RHCG: variants seen among roughly 807,000 people sequenced by gnomAD.
The protein encoded by RHCG is Rh family C glycoprotein, also known as ammonium transporter Rh type C.
A neutral mutation model predicts 55.3 loss-of-function variants in RHCG; 39 were observed. The ratio of observed to expected loss-of-function variants is 0.70; its 90% CI spans 0.55 to 0.92. The LOEUF is 0.92. Ranked by LOEUF, RHCG falls within the 40% of genes least tolerant of loss-of-function variation. The probability of loss-of-function intolerance (pLI) is 0.00; values close to 1 mark genes in which losing one functional copy is unlikely to be tolerated. For synonymous variants in RHCG, 250 were observed against 246.8 expected (o/e 1.01, Z -0.12); for missense variants, 635 against 627.9 (o/e 1.01, Z -0.12).
chr15:89,475,032 G>A (rs535968725), intron 9 of RHCG, among the ~76,000 whole-genome samples: 3 of 80,516 alleles, frequency 3.7e-5, no homozygotes, highest in South Asian at 7.3e-4. Context: ...CTTCCTGCCC[G>A]CCTTCCTTCC....
chr15:89,473,642 CAAAA>C (rs888604188), intron 9 of RHCG, among the ~76,000 whole-genome samples: 5 of 152,006 alleles, frequency 3.3e-5, no homozygotes. Flanking sequence ...ATAATAAAAA[CAAAA>C]AACAATACAG....
At chr15:89,488,267 A>C (rs986013516) in intron 1 of RHCG, among the ~76,000 whole-genome samples, 2 of 148,404 alleles carry the variant, frequency 1.3e-5, no homozygotes, top group African/African-American at 5.0e-5. Context: ...GCTCTTGCCT[A>C]CAGTAGAATG....
At chr15:89,492,757 CTA>C (rs1160761269) in intron 1 of RHCG, among the ~76,000 whole-genome samples, 1 of 152,248 alleles carries the variant, frequency 6.6e-6, no homozygotes, top group Non-Finnish European at 1.5e-5. Context: ...AATTTAAATG[CTA>C]TAATAGTTCC....
intron 3 of RHCG, 109 bp downstream of exon 3, chr15:89,482,958 G>T (rs116045660): frequency 1.8e-6 from 2 of 1,137,680 alleles, no homozygotes; most frequent in Non-Finnish European, 2.4e-6. Context: ...CGTTCAGGAA[G>T]TTAAGTGACT....
chr15:89,490,729 G>A (rs933400185), intron 1 of RHCG, among the ~76,000 whole-genome samples: 1 of 151,936 alleles, frequency 6.6e-6, no homozygotes, highest in African/African-American at 2.4e-5. Flanking sequence ...AGAGGTTGCT[G>A]CGTGGGAGGG....
intron 2 of RHCG, 200 bp downstream of exon 2, chr15:89,486,599 A>AGAGGGGGTGTGTGT: frequency 4.2e-6 from 1 of 236,650 alleles, no homozygotes; most frequent in Admixed American, 5.9e-5. Flanking sequence ...AGAGAGAGAG[A>AGAGGGGGTGTGTGT]GTGTGTGTGT....
chr15:89,482,869 G>C (rs192290708), intron 3 of RHCG, among the ~76,000 whole-genome samples, 198 bp downstream of exon 3: 187 of 152,338 alleles, frequency 1.2e-3, no homozygotes, highest in African/African-American at 4.2e-3. Context: ...CCACGTGCTG[G>C]ATTGATGGGC....
chr15:89,476,872 C>A (rs771337130), intron 8 of RHCG, 44 bp from the exon 9 acceptor site: 3 of 1,575,166 alleles, frequency 1.9e-6, no homozygotes, highest in Non-Finnish European at 2.6e-6. Flanking sequence ...AGTGCCTTCT[C>A]TCTGCTCACC....
intron 3 of RHCG, among the ~76,000 whole-genome samples, chr15:89,481,611 A>G (rs1961268065): frequency 6.6e-6 from 1 of 152,172 alleles, no homozygotes; most frequent in South Asian, 2.1e-4. Flanking sequence ...AAGCACAGGA[A>G]GATGGGGAGA....
chr15:89,479,069 C>T (rs993718272), intron 5 of RHCG, among the ~76,000 whole-genome samples: 5 of 129,822 alleles, frequency 3.9e-5, no homozygotes, highest in African/African-American at 2.4e-4. Context: ...CACTGCACTC[C>T]AGCCTGGGTG....
intron 3 of RHCG, among the ~76,000 whole-genome samples, chr15:89,481,223 G>T (rs190641845): frequency 1.1e-3 from 168 of 152,302 alleles, no homozygotes; most frequent in African/African-American, 3.9e-3. Context: ...GCCAAGGCAG[G>T]CGGATCACCT....
At position 89,472,813 on chromosome 15, in the gene RHCG, C is replaced by A; in HGVS notation, c.1362G>T (p.Lys454Asn). The A allele has an allele frequency of 6.4e-7, 1 of 1,552,658 alleles. No homozygotes were observed. The highest frequency in any genetic ancestry group is 8.7e-7 in the Non-Finnish European group (1 of 1,147,528). Reference protein sequence around the residue: ...TVYIPEDPTFKPSGPSVPSVP... With the variant: ...TVYIPEDPTFNPSGPSVPSVP... ...CTGAGGGTACTGAGGGTCCTGAGGG[C>A]TTGAAGGTGGGGTCCTCAGGGATGT... The change falls in exon 10 of 11, where the codon AAG becomes AAT. Residue 454 changes from lysine (K) to asparagine (N), a missense_variant. Physicochemically the swap from Lys to Asn is moderately conservative, Grantham distance 94. Transcript: ENST00000268122.
At position 89,480,366 on chromosome 15, in the gene RHCG, C is replaced by T. The variant is rs748212663; in HGVS notation, c.565G>A (p.Ala189Thr). 29 of 1,613,990 alleles carry T rather than the reference C, an allele frequency of 1.8e-5. No individual in the cohort carries two copies. Among genetic ancestry groups the T allele is most frequent in the African/African-American group, 1.1e-4 (8 of 74,918 alleles). Residue 189 changes from alanine (A) to threonine (T), a missense_variant, in exon 4 of 11, where the codon GCC becomes ACC. By Grantham distance (58) the Ala-to-Thr change is moderately conservative (BLOSUM62 0). Transcript: ENST00000268122. Reference protein sequence around the residue: ...GGSMTIHTFGAYFGLTVTRIL... With the variant: ...GGSMTIHTFGTYFGLTVTRIL... ...CGGGTCACTGTGAGCCCAAAGTAGG[C>T]GCCAAATGTGTGGATGGTCATGGAG...
intron 2 of RHCG, among the ~76,000 whole-genome samples, chr15:89,484,804 G>A (rs1961329785): frequency 6.6e-6 from 1 of 150,810 alleles, no homozygotes; most frequent in Admixed American, 6.6e-5. Flanking sequence ...AAAAAATGGA[G>A]AGAGAGAACA....
In RHCG at chr15:89,477,630, G is replaced by A. The variant is rs1567225007; in HGVS notation, c.999C>T (p.His333=). 6.2e-7 allele frequency: 1 copy of A among 1,614,120 alleles called. No individual in the cohort carries two copies. The highest frequency in any genetic ancestry group is 8.5e-7 in the Non-Finnish European group (1 of 1,180,024). The change falls in exon 7 of 11, where the codon CAC becomes CAT. Residue 333 remains histidine (H), a synonymous_variant. Transcript: ENST00000268122. This position sits in a 1 kb window ranked among gnomAD's most constrained non-coding sequence, Gnocchi z 4.5. ...YLTPFLESRL[H]IQDTCGINNL... Reference sequence around the variant, plus strand: ...TGTTAATGCCACATGTGTCCTGGATGTGCAGCCGGGACTCCAGGAATGGCT... The same window carrying A: ...TGTTAATGCCACATGTGTCCTGGATATGCAGCCGGGACTCCAGGAATGGCT...
At chr15:89,495,354 A>G (rs943226198) in intron 1 of RHCG, among the ~76,000 whole-genome samples, 3 of 152,192 alleles carry the variant, frequency 2.0e-5, no homozygotes, top group Admixed American at 2.0e-4. Flanking sequence ...TGGAGGGAAT[A>G]CCAGTTGATA....
At chr15:89,483,362 A>G (rs1042517931) in intron 2 of RHCG, 145 bp from the exon 3 acceptor site, 10 of 680,608 alleles carry the variant, frequency 1.5e-5, no homozygotes, top group Non-Finnish European at 2.3e-5. Context: ...TGGGCACCTA[A>G]CATTTAGAGC....
intron 1 of RHCG, among the ~76,000 whole-genome samples, chr15:89,494,945 G>A (rs1961539484): frequency 6.6e-6 from 1 of 152,108 alleles, no homozygotes; most frequent in Non-Finnish European, 1.5e-5. Context: ...AGGTAAAGGA[G>A]GGTCTCAAGC....
intron 9 of RHCG, among the ~76,000 whole-genome samples, chr15:89,473,183 C>G (rs910715078): frequency 6.6e-6 from 1 of 152,170 alleles, no homozygotes; most frequent in Non-Finnish European, 1.5e-5. Flanking sequence ...TATAACCCAG[C>G]CTGGGGGATG....
Sources: gnomAD v4.1 joint callset for allele counts (sites outside exome capture counted in the v4.1 genomes callset) on GRCh38, gnomAD v4.1.1 for gene constraint, Gnocchi (gnomAD v3.1) non-coding constraint, MANE v1.5 for transcripts, NCBI Gene and HGNC (gene_info 2026-07-23, HGNC 2026-07-21) for gene names.